The following GSAP variants were observed in gnomAD, a reference collection of about 807,000 sequenced individuals.
GSAP encodes the protein gamma-secretase-activating protein.
A neutral mutation model predicts 131.7 loss-of-function variants in GSAP; 118 were observed. The observed-to-expected ratio is 0.90, with a 90% CI of 0.77 to 1.04. The LOEUF (loss-of-function observed/expected upper bound fraction) is 1.04, where lower values mean the gene tolerates loss of function less well. Among genes scored for constraint, GSAP ranks in the 50% least tolerant of loss-of-function variants. The probability of loss-of-function intolerance (pLI) is 0.00; values close to 1 mark genes in which losing one functional copy is unlikely to be tolerated. For synonymous variants in GSAP, 381 were observed against 363.4 expected, an observed-to-expected ratio of 1.05 and a Z score of -0.55; for missense variants, 1,019 against 1,013.2, an observed-to-expected ratio of 1.01 and a Z score of -0.08.
intron 19 of GSAP, among the ~76,000 whole-genome samples, chr7:77,348,112 T>C (rs891555579): frequency 1.1e-4 from 17 of 151,964 alleles, no homozygotes; most frequent in African/African-American, 4.1e-4. Context: ...GAGATTATAG[T>C]GAGCTATGAT....
At chr7:77,415,541 G>C (rs1420628477) in intron 1 of GSAP, 1 of 152,292 alleles carries the variant, frequency 6.6e-6, no homozygotes, top group Non-Finnish European at 1.5e-5. Flanking sequence ...GCAGGGCCGG[G>C]AGCCGAGCAT....
chr7:77,324,892 C>T (rs1235296148), intron 23 of GSAP, among the ~76,000 whole-genome samples: 1 of 142,028 alleles, frequency 7.0e-6, no homozygotes, highest in African/African-American at 2.7e-5. Context: ...TCTCAGCTCA[C>T]TGCAACCTCC....
intron 5 of GSAP, among the ~76,000 whole-genome samples, chr7:77,391,408 A>G (rs1799521468): frequency 6.6e-6 from 1 of 152,196 alleles, no homozygotes; most frequent in Admixed American, 6.5e-5. Flanking sequence ...CACAGTGAAA[A>G]AGGAAGCATC....
intron 26 of GSAP, 29 bp from the exon 27 acceptor site, chr7:77,314,518 C>G (rs1248035621): frequency 1.2e-6 from 2 of 1,612,652 alleles, no homozygotes; most frequent in Admixed American, 3.3e-5. Flanking sequence ...AGGGTAAACA[C>G]AGTCAGCCAA....
At chr7:77,329,803 A>G in intron 20 of GSAP, 1 of 161,546 alleles carries the variant, frequency 6.2e-6, no homozygotes, top group Non-Finnish European at 1.3e-5. Context: ...TACCACCACA[A>G]TCAACACATA....
intron 5 of GSAP, among the ~76,000 whole-genome samples, chr7:77,389,151 G>C (rs1424586099): frequency 6.6e-6 from 1 of 151,932 alleles, no homozygotes; most frequent in Non-Finnish European, 1.5e-5. Context: ...TTTTCTTATT[G>C]TTATCTTAAA....
chr7:77,314,267 T>A (rs570169061), intron 27 of GSAP, 103 bp downstream of exon 27: 4 of 1,214,340 alleles, frequency 3.3e-6, no homozygotes, highest in Non-Finnish European at 4.8e-6. Context: ...CTCTTCTGAG[T>A]GCAGCCAGGC....
At chr7:77,350,568 C>T (rs1792695550) in intron 18 of GSAP, among the ~76,000 whole-genome samples, 1 of 125,424 alleles carries the variant, frequency 8.0e-6, no homozygotes, top group Non-Finnish European at 1.6e-5. Context: ...AAACCCCGCT[C>T]TACTAAAAAA....
chr7:77,358,480 C>T (rs1277387734), intron 14 of GSAP, among the ~76,000 whole-genome samples: 1 of 152,148 alleles, frequency 6.6e-6, no homozygotes, highest in Non-Finnish European at 1.5e-5. Context: ...GAGGCTATAC[C>T]TACATTCATA....
chr7:77,311,439 A>G lies in GSAP; in HGVS notation c.2484T>C (p.Pro828=). The G allele has an allele frequency of 6.2e-7, 1 of 1,604,982 alleles. No homozygotes were observed. The highest frequency in any genetic ancestry group is 8.5e-7 in the Non-Finnish European group (1 of 1,172,014). ...DIESSNQALY[P]FEGHDNVDAE... ...CATCCACATTGTCATGTCCTTCAAA[A>G]GGATACAGGGCTGGAAAAAAATGGG... The change falls in exon 31 of 31, where the codon CCT becomes CCC. Residue 828 remains proline, a synonymous_variant. Coordinates refer to ENST00000257626, the MANE Select transcript of GSAP (RefSeq NM_017439.4).
chr7:77,398,977 A>C (rs1800884510), intron 3 of GSAP, among the ~76,000 whole-genome samples: 1 of 152,226 alleles, frequency 6.6e-6, no homozygotes, highest in Non-Finnish European at 1.5e-5. Flanking sequence ...AGACTTCTGT[A>C]CCAGTAACAT....
rs138765623 is a variant in GSAP, at chr7:77,379,149, A to G, written c.577-1759T>C. Among the ~76,000 whole-genome samples the G allele has an allele frequency of 3.9e-3, 589 of 152,230 alleles. 4 individuals are homozygous for G. The highest frequency in any genetic ancestry group is 0.014 in the African/African-American group (562 of 41,548). On this transcript the variant is annotated intron_variant, in intron 8 of 30. Transcript: ENST00000257626. ...TCTGAAATTTGTTGAGTTGGAGTAGATCTGAGAACCGTTCCAGGTAAAGGT... is the reference window on the plus strand; with the variant it reads ...TCTGAAATTTGTTGAGTTGGAGTAGGTCTGAGAACCGTTCCAGGTAAAGGT...
At chr7:77,351,387 A>C (rs1792845485) in intron 18 of GSAP, 2 of 974,762 alleles carry the variant, frequency 2.1e-6, no homozygotes, top group South Asian at 4.8e-5. Flanking sequence ...AAAATGTGAA[A>C]TCCATGTTTT....
At chr7:77,342,741 G>A (rs1015683390) in intron 19 of GSAP, among the ~76,000 whole-genome samples, 1 of 152,146 alleles carries the variant, frequency 6.6e-6, no homozygotes, top group Admixed American at 6.5e-5. Context: ...GCCTATTACA[G>A]CATGGCCTTT....
At chr7:77,377,492 C>A in intron 8 of GSAP, 102 bp from the exon 9 acceptor site, 1 of 1,302,720 alleles carries the variant, frequency 7.7e-7, no homozygotes, top group Non-Finnish European at 1.0e-6. Flanking sequence ...CTTTATGATA[C>A]ATGTAAATAT....
At chr7:77,357,161 G>A (rs1793877169) in intron 14 of GSAP, among the ~76,000 whole-genome samples, 2 of 152,196 alleles carry the variant, frequency 1.3e-5, no homozygotes, top group African/African-American at 4.8e-5. Context: ...TAACATCATT[G>A]AGGTAGTGAG....
chr7:77,377,237 T>TAAAAAAAAAAAAAAAAAAAAAA lies in GSAP; in HGVS notation c.681+48_681+49insTTTTTTTTTTTTTTTTTTTTTT, dbSNP rs533755073. The stretch of plus-strand genomic sequence containing the variant: ...GTCTCTAAAAAAATTAATATTTTTG[T>TAAAAAAAAAAAAAAAAAAAAAA]AAAAAAAAAAAAAAAAAAAAAGGAG... On this transcript the variant is annotated intron_variant, in intron 9 of 30. Transcript: ENST00000257626. 136 of 894,390 alleles carry TAAAAAAAAAAAAAAAAAAAAAA rather than the reference T, an allele frequency of 1.5e-4. 3 individuals carry two copies. The highest frequency in any genetic ancestry group is 3.4e-4 in the African/African-American group (13 of 38,582). 55.4% of individuals were successfully genotyped at this position (894,390 alleles called of 1,614,324 possible). A position where few individuals can be genotyped will look rare whatever the true frequency, so the allele number is the denominator to read the frequency against.
intron 1 of GSAP, among the ~76,000 whole-genome samples, chr7:77,411,572 C>G (rs761735692): frequency 6.6e-6 from 1 of 152,078 alleles, no homozygotes; most frequent in Non-Finnish European, 1.5e-5. Context: ...ATGTGCAGAA[C>G]CTTCATGGAG....
intron 19 of GSAP, among the ~76,000 whole-genome samples, chr7:77,342,160 C>T (rs1158385490): frequency 6.6e-5 from 10 of 152,238 alleles, no homozygotes; most frequent in African/African-American, 1.4e-4. Flanking sequence ...CTTGGCTTAG[C>T]GGCTGAAGAC....
Sources: allele counts gnomAD v4.1 joint callset (sites outside exome capture counted in the v4.1 genomes callset), GRCh38; gene constraint gnomAD v4.1.1; transcripts MANE v1.5; gene names NCBI Gene and HGNC (gene_info 2026-07-23, HGNC 2026-07-21).